THSD1: variants seen among roughly 807,000 people sequenced by gnomAD.
THSD1 encodes the protein thrombospondin type-1 domain-containing protein 1.
Under a neutral mutation model 46.3 loss-of-function variants are expected in THSD1, and 34 were observed. The observed-to-expected ratio is 0.74, with a 90% CI of 0.56 to 0.98. THSD1 has a LOEUF of 0.98. Among genes scored for constraint, THSD1 ranks in the 50% least tolerant of loss-of-function variants. The pLI, the probability that THSD1 is intolerant of heterozygous loss-of-function variation, is 0.00. For synonymous variants in THSD1, 407 were observed against 416.5 expected, an observed-to-expected ratio of 0.98 and a Z score of 0.28; for missense variants, 1,023 against 1,058.3, an observed-to-expected ratio of 0.97 and a Z score of 0.46.
At chr13:52,392,111 T>G (rs553714746) in intron 3 of THSD1, among the ~76,000 whole-genome samples, 8 of 142,456 alleles carry the variant, frequency 5.6e-5, no homozygotes, top group Admixed American at 7.5e-5. Flanking sequence ...AGAATGGCGT[T>G]AACCCAGGAG....
intron 3 of THSD1, among the ~76,000 whole-genome samples, chr13:52,389,509 G>A (rs1452705145): frequency 1.3e-5 from 2 of 151,758 alleles, no homozygotes; most frequent in Non-Finnish European, 2.9e-5. Context: ...TTTTTTTAAA[G>A]CCCACTTTAC....
In THSD1 at chr13:52,377,452, C is replaced by T; in HGVS notation, c.2518G>A (p.Glu840Lys). 1.3e-6 allele frequency: 2 copies of T among 1,541,482 alleles called. No homozygotes were observed. The highest frequency in any genetic ancestry group is 1.8e-6 in the Non-Finnish European group (2 of 1,139,754). The part of the protein sequence containing the change: ...PGYFGSNEED[E>K]TTSTLSVEKL... The stretch of plus-strand genomic sequence containing the variant: ...TCCACGCTAAGTGTACTTGTGGTTT[C>T]ATCCTCTTCATTTGACCCAAAATAT... Residue 840 changes from glutamate (E) to lysine (K), a missense_variant, in exon 5 of 5, where the codon GAA becomes AAA. Coordinates refer to ENST00000258613, the MANE Select transcript of THSD1 (RefSeq NM_018676.4).
chr13:52,377,905 C>T lies in THSD1; in HGVS notation c.2065G>A (p.Glu689Lys), dbSNP rs755289719. Reference protein sequence around the residue: ...PAYSSRTRTCEQAEDRFRPQS... With the variant: ...PAYSSRTRTCKQAEDRFRPQS... ...GGCCTAAATCTGTCCTCTGCCTGCT[C>T]GCAGGTCCGCGTCCTAGAGCTGTAG... The change falls in exon 5 of 5, where the codon GAG becomes AAG. Residue 689 changes from glutamate to lysine, a missense_variant. Coordinates refer to ENST00000258613, the MANE Select transcript of THSD1 (RefSeq NM_018676.4). 1 of 1,614,188 alleles carries T rather than the reference C, an allele frequency of 6.2e-7. No individual in the cohort carries two copies.
chr13:52,384,314 C>A, intron 4 of THSD1: 2 of 447,938 alleles, frequency 4.5e-6, no homozygotes, highest in South Asian at 1.6e-5. Flanking sequence ...TATATAAAGG[C>A]AAGGTATTCA....
intron 4 of THSD1, chr13:52,384,184 CAA>C (rs754288122): frequency 0.052 from 8,227 of 159,200 alleles, no homozygotes; most frequent in South Asian, 0.074. Context: ...AACTCCGTCT[CAA>C]AAAAAAAAAA....
At chr13:52,382,790 C>G (rs955017537) in intron 4 of THSD1, among the ~76,000 whole-genome samples, 15 of 152,092 alleles carry the variant, frequency 9.9e-5, no homozygotes, top group African/African-American at 3.4e-4. Flanking sequence ...CACTTGAGGC[C>G]AGGAGTTCGA....
chr13:52,397,572 G>A lies in THSD1; in HGVS notation c.681C>T (p.Val227=), dbSNP rs776724359. The part of the protein sequence containing the change: ...VVLKLLGRDS[V]ITSTGPIDLA... ...GGTCAATGGGTCCTGTGGAGGTAAT[G>A]ACTGAGTCTCGCCCAAGCAGCTTCA... is the stretch of plus-strand genomic sequence containing the variant. The change falls in exon 3 of 5, where the codon GTC becomes GTT. Residue 227 remains valine, a synonymous_variant. Coordinates refer to ENST00000258613, the MANE Select transcript of THSD1 (RefSeq NM_018676.4). 130 of 1,614,076 alleles carry A rather than the reference G, an allele frequency of 8.1e-5. 1 individual carries two copies. In the Admixed American group the frequency reaches 2.1e-3, roughly 26 times the overall value.
chr13:52,394,178 C>T (rs2137740404), intron 3 of THSD1, among the ~76,000 whole-genome samples: 1 of 152,316 alleles, frequency 6.6e-6, no homozygotes, highest in East Asian at 1.9e-4. Context: ...GTGGAAAGCC[C>T]AGCAGCTGGG....
intron 3 of THSD1, among the ~76,000 whole-genome samples, chr13:52,392,898 C>G (rs1366282679): frequency 6.6e-6 from 1 of 152,162 alleles, no homozygotes; most frequent in Non-Finnish European, 1.5e-5. Context: ...ACAAATCATA[C>G]TTATGCTTGG....
At chr13:52,394,445 C>A (rs1328415048) in intron 3 of THSD1, among the ~76,000 whole-genome samples, 1 of 152,088 alleles carries the variant, frequency 6.6e-6, no homozygotes, top group Non-Finnish European at 1.5e-5. Context: ...AAAACCCCGT[C>A]TCTACTAAAA....
chr13:52,390,092 G>T (rs1259930856), intron 3 of THSD1, among the ~76,000 whole-genome samples: 1 of 149,540 alleles, frequency 6.7e-6, no homozygotes, highest in Non-Finnish European at 1.5e-5. Flanking sequence ...AGTAAGCCAC[G>T]ATCACACCAC....
Position 52,377,890 on chromosome 13 carries a change from T to C in THSD1, c.2080A>G (p.Arg694Gly). ...GCACCTCGACTCTGAGGCCTAAATCTGTCCTCTGCCTGCTCGCAGGTCCGC... is the reference window on the plus strand; with the variant it reads ...GCACCTCGACTCTGAGGCCTAAATCCGTCCTCTGCCTGCTCGCAGGTCCGC... ...RTRTCEQAED[R>G]FRPQSRGAHL... Residue 694 changes from arginine to glycine, a missense_variant, in exon 5 of 5, where the codon AGA becomes GGA. Coordinates refer to ENST00000258613, the MANE Select transcript of THSD1 (RefSeq NM_018676.4). 2 of 1,614,218 alleles carry C rather than the reference T, an allele frequency of 1.2e-6. No homozygotes were observed. The highest frequency in any genetic ancestry group is 1.7e-6 in the Non-Finnish European group (2 of 1,180,034).
At chr13:52,403,125 T>G (rs573247500) in intron 1 of THSD1, among the ~76,000 whole-genome samples, 16 of 152,340 alleles carry the variant, frequency 1.1e-4, no homozygotes, top group Non-Finnish European at 2.1e-4. Context: ...GCTCCCTGCC[T>G]GGCGTCCACA....
In THSD1 at chr13:52,377,335, T is replaced by C; in HGVS notation, c.*76A>G. 3 of 1,449,948 alleles carry C rather than the reference T, an allele frequency of 2.1e-6. No individual in the cohort carries two copies. Among genetic ancestry groups the C allele is most frequent in the East Asian group, 2.5e-5 (1 of 40,450 alleles). 89.8% of individuals were successfully genotyped at this position (1,449,948 alleles called of 1,614,324 possible). The stretch of plus-strand genomic sequence containing the variant: ...TTCCTCCTCACATTCTGTCCTACGG[T>C]ACAAATAGTTACACAAAAGTCTACA... On this transcript the variant is annotated 3_prime_UTR_variant, in exon 5 of 5. Transcript: ENST00000258613.
intron 3 of THSD1, among the ~76,000 whole-genome samples, 200 bp downstream of exon 3, chr13:52,397,032 G>A (rs1254482134): frequency 1.3e-5 from 2 of 152,072 alleles, no homozygotes; most frequent in Non-Finnish European, 2.9e-5. Flanking sequence ...TTACTGATGG[G>A]GAAATGAGAT....
intron 3 of THSD1, among the ~76,000 whole-genome samples, chr13:52,390,940 T>G (rs1566072339): frequency 6.6e-6 from 1 of 152,128 alleles, no homozygotes; most frequent in African/African-American, 2.4e-5. Flanking sequence ...AAAAGTATAT[T>G]TGTTAGATTA....
Position 52,398,008 on chromosome 13 carries a change from G to T in THSD1, c.245C>A (p.Ser82Tyr), listed in dbSNP as rs1470643260. The change falls in exon 3 of 5, where the codon TCC becomes TAC. Residue 82 changes from serine to tyrosine, a missense_variant. Ser to Tyr is a moderately radical substitution (Grantham distance 144, BLOSUM62 -2). Coordinates refer to ENST00000258613, the MANE Select transcript of THSD1 (RefSeq NM_018676.4). The part of the protein sequence containing the change: ...VTTKYLLTNQ[S>Y]QGTLKFECFY... ...GCACTCAAACTTTAGTGTTCCCTGG[G>T]ACTGGTTGGTCAGGAGGTACTTGGT... 1 of 1,614,228 alleles carries T rather than the reference G, an allele frequency of 6.2e-7. No individual in the cohort carries two copies.
rs534877135 is a variant in THSD1, at chr13:52,386,090, G to T, written c.1118C>A (p.Ser373Tyr). 2 of 1,614,076 alleles carry T rather than the reference G, an allele frequency of 1.2e-6. No individual in the cohort carries two copies. Among genetic ancestry groups the T allele is most frequent in the South Asian group, 2.2e-5 (2 of 91,072 alleles). The change falls in exon 4 of 5, where the codon TCC (serine) becomes TAC (tyrosine). Residue 373 changes from serine to tyrosine, a missense_variant. Ser to Tyr is a moderately radical substitution (Grantham distance 144). This residue lies in a region of THSD1 where 429 missense variants were observed against 518.3 expected (regional missense o/e 0.83). Coordinates refer to ENST00000258613, the MANE Select transcript of THSD1 (RefSeq NM_018676.4). Reference protein sequence around the residue: ...RRRVCLTSFPSSPVCPGMSLE... With the variant: ...RRRVCLTSFPYSPVCPGMSLE... ...GGACATTCCAGGGCAGACAGGACTG[G>T]AGGGGAAGGAAGTGAGACACACTCG...
chr13:52,387,876 G>C (rs138938311), intron 3 of THSD1, among the ~76,000 whole-genome samples: 1 of 152,266 alleles, frequency 6.6e-6, no homozygotes, highest in East Asian at 1.9e-4. Flanking sequence ...AGGAGAAGAA[G>C]ATAGAGTAGG....
Sources: allele counts gnomAD v4.1 joint callset (sites outside exome capture counted in the v4.1 genomes callset), GRCh38; gene constraint gnomAD v4.1.1; regional missense constraint gnomAD v4.1.1; transcripts MANE v1.5; gene names NCBI Gene and HGNC (gene_info 2026-07-23, HGNC 2026-07-21).